GRM7: variants seen among roughly 807,000 people sequenced by gnomAD.
The protein encoded by GRM7 is glutamate metabotropic receptor 7.
Under a neutral mutation model 84.5 loss-of-function variants are expected in GRM7, and 35 were observed. The ratio of observed to expected loss-of-function variants is 0.41; its 90% CI spans 0.32 to 0.55. The LOEUF is 0.55. Ranked by LOEUF, GRM7 falls within the 20% of genes least tolerant of loss-of-function variation. The pLI is 0.19. For synonymous variants in GRM7, 487 were observed against 455.1 expected (o/e 1.07, Z -0.89); for missense variants, 1,003 against 1,194.6 (o/e 0.84, Z 2.36).
At chr3:6,992,376 C>A (rs1400288) in intron 1 of GRM7, among the ~76,000 whole-genome samples, 14,470 of 152,158 alleles carry the variant, frequency 0.095, 1,053 homozygotes, top group East Asian at 0.25. Context: ...CGTTTAACTG[C>A]AGTGTAATGC....
intron 6 of GRM7, among the ~76,000 whole-genome samples, chr3:7,457,515 G>T (rs1210114110): frequency 1.3e-5 from 2 of 152,168 alleles, no homozygotes; most frequent in Admixed American, 1.3e-4. Context: ...TTCATCTGAA[G>T]CATGTCTGTA....
chr3:7,446,186 C>T (rs546363979), intron 5 of GRM7, among the ~76,000 whole-genome samples: 2 of 152,230 alleles, frequency 1.3e-5, no homozygotes, highest in South Asian at 4.1e-4. Flanking sequence ...AAAAGCACTG[C>T]CAGCACAAGT....
At chr3:6,950,839 G>T (rs774448716) in intron 1 of GRM7, among the ~76,000 whole-genome samples, 1 of 152,240 alleles carries the variant, frequency 6.6e-6, no homozygotes, top group Admixed American at 6.5e-5. Flanking sequence ...CTCCATGGGC[G>T]TAGGACCCTC....
chr3:6,883,159 T>G (rs1290680532), intron 1 of GRM7, among the ~76,000 whole-genome samples: 1 of 152,224 alleles, frequency 6.6e-6, no homozygotes, highest in Non-Finnish European at 1.5e-5. Flanking sequence ...TGGTTAATAA[T>G]TGTGAGATTA....
intron 1 of GRM7, among the ~76,000 whole-genome samples, chr3:6,982,248 G>T (rs959494159): frequency 1.3e-5 from 2 of 152,098 alleles, no homozygotes; most frequent in Admixed American, 1.3e-4. Flanking sequence ...TAAACATTGG[G>T]TATACGTGGC....
At chr3:7,617,791 C>G (rs1437671860) in intron 8 of GRM7, among the ~76,000 whole-genome samples, 4 of 152,020 alleles carry the variant, frequency 2.6e-5, no homozygotes, top group Non-Finnish European at 5.9e-5. Context: ...GGAAGTCTCT[C>G]CAACAAACTA....
intron 4 of GRM7, among the ~76,000 whole-genome samples, chr3:7,332,322 G>T (rs142789166): frequency 1.3e-5 from 2 of 152,152 alleles, no homozygotes; most frequent in South Asian, 4.1e-4. Flanking sequence ...ATAGAACTAA[G>T]ATCATATACC....
At chr3:7,541,358 C>T (rs904637097) in intron 7 of GRM7, among the ~76,000 whole-genome samples, 2 of 151,798 alleles carry the variant, frequency 1.3e-5, no homozygotes, top group Admixed American at 6.6e-5. Context: ...ATTTTGGGGC[C>T]GTATTTTATA....
intron 2 of GRM7, among the ~76,000 whole-genome samples, chr3:7,261,650 G>C (rs996440671): frequency 1.3e-5 from 2 of 152,266 alleles, no homozygotes; most frequent in African/African-American, 4.8e-5. Context: ...TAGCTGGTTA[G>C]TATACAGACT....
At chr3:6,864,713 G>T (rs1395807970) in intron 1 of GRM7, among the ~76,000 whole-genome samples, 1 of 152,178 alleles carries the variant, frequency 6.6e-6, no homozygotes, top group African/African-American at 2.4e-5. Flanking sequence ...CTGTAGGCTA[G>T]AAGAAGGAAT....
At chr3:7,366,100 T>A (rs1417234710) in intron 4 of GRM7, among the ~76,000 whole-genome samples, 2 of 151,792 alleles carry the variant, frequency 1.3e-5, no homozygotes, top group Non-Finnish European at 2.9e-5. Context: ...GGGAGCTACC[T>A]TTCCTGAGTC....
intron 1 of GRM7, among the ~76,000 whole-genome samples, chr3:6,948,007 T>C (rs2125065164): frequency 6.6e-6 from 1 of 152,324 alleles, no homozygotes; most frequent in East Asian, 1.9e-4. Flanking sequence ...AAAAACCAGC[T>C]CCTGGATTCA....
intron 7 of GRM7, among the ~76,000 whole-genome samples, chr3:7,549,629 C>T (rs1693344492): frequency 6.6e-6 from 1 of 152,112 alleles, no homozygotes; most frequent in Non-Finnish European, 1.5e-5. Context: ...AAAACTTCTC[C>T]CCGTATCTTT....
At chr3:7,296,633 T>C (rs1019800857) in intron 2 of GRM7, among the ~76,000 whole-genome samples, 3 of 152,152 alleles carry the variant, frequency 2.0e-5, no homozygotes, top group Non-Finnish European at 2.9e-5. Context: ...TTTCATATCA[T>C]TTACATAGCT....
chr3:7,198,930 G>T (rs1695973142), intron 2 of GRM7, among the ~76,000 whole-genome samples: 1 of 152,176 alleles, frequency 6.6e-6, no homozygotes, highest in Admixed American at 6.5e-5. Flanking sequence ...CAGAAAAAAT[G>T]ATTTCCATGA....
chr3:7,175,081 G>T (rs1695102201), intron 2 of GRM7, among the ~76,000 whole-genome samples: 1 of 152,130 alleles, frequency 6.6e-6, no homozygotes, highest in African/African-American at 2.4e-5. Context: ...GGAGATGAAT[G>T]GAGAAAAACC....
chr3:6,985,496 G>A (rs1017987084), intron 1 of GRM7, among the ~76,000 whole-genome samples: 10 of 151,734 alleles, frequency 6.6e-5, no homozygotes, highest in African/African-American at 2.4e-5. Context: ...TCAATGTGTG[G>A]TTATCAAGCC....
chr3:7,265,735 T>C (rs1005387193), intron 2 of GRM7, among the ~76,000 whole-genome samples: 2 of 152,202 alleles, frequency 1.3e-5, no homozygotes, highest in African/African-American at 4.8e-5. Context: ...TCCCATCCTG[T>C]TAGGGCTGCA....
intron 1 of GRM7, among the ~76,000 whole-genome samples, chr3:7,019,454 C>T (rs1695693013): frequency 6.6e-6 from 1 of 152,150 alleles, no homozygotes; most frequent in African/African-American, 2.4e-5. Flanking sequence ...ATCCATCCCT[C>T]TCTCTCCCCT....
Sources: gnomAD v4.1 joint callset for allele counts (sites outside exome capture counted in the v4.1 genomes callset) on GRCh38, gnomAD v4.1.1 for gene constraint, MANE v1.5 for transcripts, NCBI Gene and HGNC (gene_info 2026-07-23, HGNC 2026-07-21) for gene names.